ATRAID: variants seen among roughly 807,000 people sequenced by gnomAD.
ATRAID encodes the protein all-trans retinoic acid induced differentiation factor, also known as all-trans retinoic acid-induced differentiation factor.
Under a neutral mutation model 28.8 loss-of-function variants are expected in ATRAID, and 26 were observed. The ratio of observed to expected loss-of-function variants is 0.90; its 90% CI spans 0.66 to 1.25. The LOEUF is 1.25. Ranked by LOEUF, ATRAID falls within the 50% of genes most tolerant of loss-of-function variation. The pLI is 0.00. For synonymous variants in ATRAID, 131 were observed against 108.5 expected, an observed-to-expected ratio of 1.21 and a Z score of -1.29; for missense variants, 308 against 285.9, an observed-to-expected ratio of 1.08 and a Z score of -0.56.
At chr2:27,215,199 ACT>A (rs1227280259) in intron 2 of ATRAID, 120 bp from the exon 3 acceptor site, 3 of 946,656 alleles carry the variant, frequency 3.2e-6, no homozygotes, top group Admixed American at 4.2e-5. Context: ...CTAGTGTGTG[ACT>A]CTGAACACAG....
rs1431424835 is a variant in ATRAID at position 27,215,316 on chromosome 2, C to T, written c.222-5C>T. ...ACAGTTATATTGATTACTTTATTTC[C>T]TCAGGCTGGATCTCCAGAACTGTTC... is the stretch of plus-strand genomic sequence containing the variant. On this transcript the variant is annotated splice_polypyrimidine_tract_variant and splice_region_variant and intron_variant, in intron 2 of 6. Transcript: ENST00000380171. 1 of 1,613,888 alleles carries T rather than the reference C, an allele frequency of 6.2e-7. No homozygotes were observed. The highest frequency in any genetic ancestry group is 8.5e-7 in the Non-Finnish European group (1 of 1,179,770).
At chr2:27,215,415 C>T (rs368056040) in intron 3 of ATRAID, 23 bp downstream of exon 3, 28 of 1,613,988 alleles carry the variant, frequency 1.7e-5, no homozygotes, top group Non-Finnish European at 2.4e-5. Flanking sequence ...GTACCTCCCA[C>T]CCAAAAGGCT....
rs1483906693 is a variant in ATRAID, at chr2:27,216,998, C to G, written c.*50C>G. 13 of 1,475,670 alleles carry G rather than the reference C, an allele frequency of 8.8e-6. No individual in the cohort carries two copies. The Admixed American group carries it at 2.5e-4, about 28-fold the overall frequency. 91.4% of individuals were successfully genotyped at this position (1,475,670 alleles called of 1,614,324 possible). On this transcript the variant is annotated 3_prime_UTR_variant, in exon 7 of 7. Transcript: ENST00000380171. ...TAAGATCAATCTGAACTATCTTAGC[C>G]CAGTCAGGGAGCTCTGCTTCCTAGA...
At chr2:27,215,865 C>T (rs1169833150) in intron 5 of ATRAID, 112 bp downstream of exon 5, 2 of 1,373,194 alleles carry the variant, frequency 1.5e-6, no homozygotes, top group East Asian at 2.3e-5. Flanking sequence ...AGTTCTGGGG[C>T]TATAACCCCT....
chr2:27,213,506 A>G, intron 2 of ATRAID: 1 of 481,434 alleles, frequency 2.1e-6, no homozygotes, highest in Non-Finnish European at 3.4e-6. Flanking sequence ...CCTATTAAGC[A>G]TTTCCTACTG....
Position 27,213,218 on chromosome 2 carries a change from A to T in ATRAID, c.141A>T (p.Lys47Asn). The T allele has an allele frequency of 6.2e-7, 1 of 1,614,170 alleles. No individual in the cohort carries two copies. The highest frequency in any genetic ancestry group is 8.5e-7 in the Non-Finnish European group (1 of 1,180,022). Residue 47 changes from lysine (K) to asparagine (N), a missense_variant, in exon 2 of 7, where the codon AAA (lysine) becomes AAT (asparagine). Transcript: ENST00000380171. ...CAGGGAGCGTGCAAAATTTGTCAAA[A>T]GTGGCCTTTTATTGTAAAACGACAC... ...QCPGSVQNLS[K>N]VAFYCKTTRE...
chr2:27,212,732 G>A, intron 1 of ATRAID: 1 of 1,077,232 alleles, frequency 9.3e-7, no homozygotes, highest in Non-Finnish European at 1.2e-6. Flanking sequence ...TTCTACAGAC[G>A]GGTCCTCTGC....
At position 27,212,172 on chromosome 2, in the gene ATRAID, CG is replaced by C. The variant is rs1674586390; in HGVS notation, c.-195del. On this transcript the variant is annotated 5_prime_UTR_variant, in exon 1 of 7. Coordinates refer to ENST00000380171, the MANE Select transcript of ATRAID (RefSeq NM_001170795.4). ...CTAAAGGGGAAAAGGAAGAGGGGGTCGGCCAGTATCCCCGAAAGAGGGCTAG... is the reference window on the plus strand; with the variant it reads ...CTAAAGGGGAAAAGGAAGAGGGGGTCGCCAGTATCCCCGAAAGAGGGCTAG... The C allele has an allele frequency of 1.3e-6, 2 of 1,536,352 alleles. No individual in the cohort carries two copies. Among genetic ancestry groups the C allele is most frequent in the African/African-American group, 2.8e-5 (2 of 71,574 alleles).
chr2:27,213,048 G>T lies in ATRAID; in HGVS notation c.100-129G>T, dbSNP rs1421468955. ...CTGTTACAAGGGTGGGACACGAGCCGTTTATCCATTTATCGGCCCCGTGTT... is the reference window on the plus strand; with the variant it reads ...CTGTTACAAGGGTGGGACACGAGCCTTTTATCCATTTATCGGCCCCGTGTT... On this transcript the variant is annotated intron_variant, in intron 1 of 6. Transcript: ENST00000380171. 8.4e-6 allele frequency: 10 copies of T among 1,197,198 alleles called. No individual in the cohort carries two copies. The East Asian group carries it at 1.2e-4, about 14-fold the overall frequency. The allele number at this position is 1,197,198 out of a possible 1,614,324, so 74.2% of individuals were successfully genotyped here. A position where few individuals can be genotyped will look rare whatever the true frequency, so the allele number is the denominator to read the frequency against.
intron 2 of ATRAID, among the ~76,000 whole-genome samples, chr2:27,214,570 C>T (rs994035430): frequency 2.0e-5 from 3 of 152,166 alleles, no homozygotes; most frequent in Non-Finnish European, 2.9e-5. Flanking sequence ...GAAAATGTTC[C>T]GAGCCAGGCG....
Position 27,215,328 on chromosome 2 carries a change from C to A in ATRAID, c.229C>A (p.Leu77Ile). 1 of 1,614,116 alleles carries A rather than the reference C, an allele frequency of 6.2e-7. No homozygotes were observed. The highest frequency in any genetic ancestry group is 8.5e-7 in the Non-Finnish European group (1 of 1,179,956). ...ATTACTTTATTTCCTCAGGCTGGAT[C>A]TCCAGAACTGTTCTCTGGAGGACCC... Reference protein sequence around the residue: ...NQKGTILGLDLQNCSLEDPGP... With the variant: ...NQKGTILGLDIQNCSLEDPGP... Residue 77 changes from leucine (L) to isoleucine (I), a missense_variant, in exon 3 of 7, where the codon CTC becomes ATC. By Grantham distance (5) the Leu-to-Ile change is conservative (BLOSUM62 2). Coordinates refer to ENST00000380171, the MANE Select transcript of ATRAID (RefSeq NM_001170795.4).
chr2:27,215,243 G>T (rs1674775395), intron 2 of ATRAID, 78 bp from the exon 3 acceptor site: 5 of 1,394,418 alleles, frequency 3.6e-6, no homozygotes, highest in African/African-American at 2.8e-5. Flanking sequence ...AAAGGGGGTT[G>T]TGTAGTCAAA....
chr2:27,213,013 C>T (rs1236160646), intron 1 of ATRAID, 164 bp from the exon 2 acceptor site: 2 of 828,108 alleles, frequency 2.4e-6, no homozygotes, highest in Non-Finnish European at 3.7e-6. Flanking sequence ...ATGGCATCTC[C>T]TAGCCTAGCC....
At position 27,215,766 on chromosome 2, in the gene ATRAID, A is replaced by C. The variant is rs375752855; in HGVS notation, c.487+13A>C. On this transcript the variant is annotated intron_variant, in intron 5 of 6. Coordinates refer to ENST00000380171, the MANE Select transcript of ATRAID (RefSeq NM_001170795.4). The stretch of plus-strand genomic sequence containing the variant: ...ACTGGGGACCCAGGTATGCTGTCTT[A>C]CCTCCAAACTTCTGGGAATTGTCTT... 15 of 1,611,798 alleles carry C rather than the reference A, an allele frequency of 9.3e-6. No individual in the cohort carries two copies. The South Asian group carries it at 1.5e-4, about 17-fold the overall frequency.
Position 27,212,251 on chromosome 2 carries a change from C to G in ATRAID, c.-118C>G, listed in dbSNP as rs746726954. 2 of 1,560,748 alleles carry G rather than the reference C, an allele frequency of 1.3e-6. No individual in the cohort carries two copies. Among genetic ancestry groups the G allele is most frequent in the South Asian group, 1.2e-5 (1 of 84,846 alleles). On this transcript the variant is annotated 5_prime_UTR_variant, in exon 1 of 7. Transcript: ENST00000380171. ...ACGAGCAGGAAAAGCCCCCAAGCAG[C>G]CCCAGGGCGACTGGACCGGGCCGCT...
At chr2:27,212,556 G>T in intron 1 of ATRAID, 89 bp downstream of exon 1, 1 of 1,492,488 alleles carries the variant, frequency 6.7e-7, no homozygotes, top group Non-Finnish European at 8.9e-7. Context: ...TCTCCTCGGC[G>T]GGCCTGCGGT....
chr2:27,216,277 T>A (rs1674826860), intron 5 of ATRAID: 1 of 487,286 alleles, frequency 2.1e-6, no homozygotes, highest in Non-Finnish European at 3.7e-6. Context: ...AAGGCTATTT[T>A]CATTTCTTTT....
chr2:27,212,771 G>A lies in ATRAID; in HGVS notation c.99+304G>A, dbSNP rs1015817858. ...TTGTGTAATCTCTCTACGCACGAAC[G>A]CCATATATCGTGCGGTGGTAGGGCT... On this transcript the variant is annotated intron_variant, in intron 1 of 6. Transcript: ENST00000380171. The A allele has an allele frequency of 3.2e-5, 24 of 747,204 alleles. No homozygotes were observed. The South Asian group carries it at 5.0e-4, about 16-fold the overall frequency. The allele number at this position is 747,204 out of a possible 1,614,324, so 46.3% of individuals were successfully genotyped here. A position where few individuals can be genotyped will look rare whatever the true frequency, so the allele number is the denominator to read the frequency against.
Position 27,216,897 on chromosome 2 carries a change from C to A in ATRAID, c.639C>A (p.Ser213=). 6.2e-7 allele frequency: 1 copy of A among 1,614,166 alleles called. No homozygotes were observed. The highest frequency in any genetic ancestry group is 2.2e-5 in the East Asian group (1 of 44,872). Reference sequence around the variant, plus strand: ...GGATTCTGGGAGCCACCACTCTATCCGTCTCCATTCTGCTTTGGGCGACCC... The same window carrying A: ...GGATTCTGGGAGCCACCACTCTATCAGTCTCCATTCTGCTTTGGGCGACCC... The part of the protein sequence containing the change: ...FFGILGATTL[S]VSILLWATQR... Residue 213 remains serine (S), a synonymous_variant, in exon 7 of 7, where the codon TCC becomes TCA. Coordinates refer to ENST00000380171, the MANE Select transcript of ATRAID (RefSeq NM_001170795.4).
Sources: allele counts gnomAD v4.1 joint callset (sites outside exome capture counted in the v4.1 genomes callset), GRCh38; gene constraint gnomAD v4.1.1; transcripts MANE v1.5; gene names NCBI Gene and HGNC (gene_info 2026-07-23, HGNC 2026-07-21).